Variants in FOXP1 observed in about 807,000 individuals in gnomAD.
The protein encoded by FOXP1 is forkhead box P1.
Under a neutral mutation model 98.2 loss-of-function variants are expected in FOXP1, and 15 were observed. That is an observed-to-expected ratio of 0.15 (90% CI 0.10 to 0.24). FOXP1 has a LOEUF of 0.24. Among genes scored for constraint, FOXP1 ranks in the 10% least tolerant of loss-of-function variants. The probability of loss-of-function intolerance (pLI) is 1.00; values close to 1 mark genes in which losing one functional copy is unlikely to be tolerated. For synonymous variants in FOXP1, 371 were observed against 314.5 expected (o/e 1.18, Z -1.90); for missense variants, 633 against 848.5 (o/e 0.75, Z 3.15).
intron 7 of FOXP1, among the ~76,000 whole-genome samples, chr3:71,068,586 ATC>A (rs2052839441): frequency 6.6e-6 from 1 of 152,240 alleles, no homozygotes; most frequent in African/African-American, 2.4e-5. Flanking sequence ...CAACTGTGTG[ATC>A]AGAGGCCAAA....
intron 3 of FOXP1, among the ~76,000 whole-genome samples, chr3:71,475,471 G>A (rs1052130411): frequency 6.6e-6 from 1 of 152,052 alleles, no homozygotes; most frequent in Admixed American, 6.6e-5. Flanking sequence ...AAATCAAAGG[G>A]GACCTAAGTA....
chr3:71,544,633 T>G (rs1039630978), intron 2 of FOXP1, among the ~76,000 whole-genome samples: 1 of 152,192 alleles, frequency 6.6e-6, no homozygotes, highest in African/African-American at 2.4e-5. Context: ...CCATTTTATA[T>G]GTGGGGTGGT....
At chr3:71,246,904 T>A (rs188676049) in intron 5 of FOXP1, among the ~76,000 whole-genome samples, 53 of 152,368 alleles carry the variant, frequency 3.5e-4, no homozygotes, top group Non-Finnish European at 6.3e-4. Context: ...AGCCATTTCA[T>A]CGAGCAATGT....
At chr3:71,194,760 T>C (rs952194744) in intron 6 of FOXP1, among the ~76,000 whole-genome samples, 10 of 152,246 alleles carry the variant, frequency 6.6e-5, no homozygotes, top group African/African-American at 1.4e-4. Context: ...TAAAAGAAAA[T>C]GTTCAGAAAC....
chr3:71,405,142 T>C (rs2082228640), intron 3 of FOXP1, among the ~76,000 whole-genome samples: 1 of 152,186 alleles, frequency 6.6e-6, no homozygotes, highest in Non-Finnish European at 1.5e-5. Flanking sequence ...CAAGGATGCA[T>C]GGCCCCAAAC....
At chr3:71,085,735 C>T (rs1169729736) in intron 7 of FOXP1, among the ~76,000 whole-genome samples, 5 of 37,034 alleles carry the variant, frequency 1.4e-4, no homozygotes, top group African/African-American at 2.0e-4. Context: ...CATTTATGGC[C>T]TTTTTTTTTT....
chr3:71,037,451 C>T (rs2047738733), intron 11 of FOXP1, among the ~76,000 whole-genome samples: 1 of 152,130 alleles, frequency 6.6e-6, no homozygotes, highest in Non-Finnish European at 1.5e-5. Flanking sequence ...AAGACAGTAT[C>T]TTCATATGTA....
At chr3:71,431,137 C>T (rs1016533079) in intron 3 of FOXP1, among the ~76,000 whole-genome samples, 7 of 152,042 alleles carry the variant, frequency 4.6e-5, no homozygotes, top group African/African-American at 1.7e-4. Flanking sequence ...GGAGGCAGGT[C>T]GATCTGCAAA....
At chr3:71,052,273 A>T (rs1264403820) in intron 9 of FOXP1, among the ~76,000 whole-genome samples, 1 of 152,176 alleles carries the variant, frequency 6.6e-6, no homozygotes, top group Non-Finnish European at 1.5e-5. Context: ...GGTTGCAAAA[A>T]GTAACCTGAA....
chr3:70,966,258 TG>T, intron 19 of FOXP1: 1 of 610,380 alleles, frequency 1.6e-6, no homozygotes, highest in Non-Finnish European at 3.0e-6. Flanking sequence ...AAGAGCTAAC[TG>T]GGGGCCAGGG....
intron 11 of FOXP1, among the ~76,000 whole-genome samples, chr3:71,030,178 A>G (rs1431580772): frequency 6.6e-6 from 1 of 152,208 alleles, no homozygotes; most frequent in Non-Finnish European, 1.5e-5. Flanking sequence ...AATTCAGCAG[A>G]TTTTATTAAA....
intron 6 of FOXP1, among the ~76,000 whole-genome samples, chr3:71,163,710 C>T (rs2061258800): frequency 6.6e-6 from 1 of 152,064 alleles, no homozygotes; most frequent in African/African-American, 2.4e-5. Context: ...GTTCATCATT[C>T]CTATGTGTAA....
intron 3 of FOXP1, among the ~76,000 whole-genome samples, chr3:71,465,044 A>G (rs182819994): frequency 2.6e-5 from 4 of 152,272 alleles, no homozygotes; most frequent in Admixed American, 2.6e-4. Context: ...ACAGTGGCTT[A>G]AGCCTGTAAT....
intron 10 of FOXP1, among the ~76,000 whole-genome samples, chr3:71,046,658 C>T (rs1163934294): frequency 6.6e-6 from 1 of 152,184 alleles, no homozygotes; most frequent in Non-Finnish European, 1.5e-5. Flanking sequence ...CATTAAAATG[C>T]TCAGTAAGTG....
intron 2 of FOXP1, among the ~76,000 whole-genome samples, chr3:71,508,222 G>A (rs966019773): frequency 1.8e-4 from 27 of 152,282 alleles, no homozygotes; most frequent in Non-Finnish European, 5.9e-5. Context: ...TTTTTAGGGG[G>A]TGGCACTACA....
intron 3 of FOXP1, among the ~76,000 whole-genome samples, chr3:71,443,964 G>A (rs2086180602): frequency 6.6e-6 from 1 of 152,118 alleles, no homozygotes; most frequent in African/African-American, 2.4e-5. Flanking sequence ...TGGACCAGCA[G>A]CTTGGCACTC....
chr3:71,421,520 A>G (rs1157891939), intron 3 of FOXP1, among the ~76,000 whole-genome samples: 2 of 152,190 alleles, frequency 1.3e-5, no homozygotes, highest in Non-Finnish European at 2.9e-5. Context: ...TTTTCAAAGA[A>G]GCATAAATTG....
intron 3 of FOXP1, among the ~76,000 whole-genome samples, chr3:71,370,895 G>A (rs1023444991): frequency 1.3e-4 from 19 of 148,214 alleles, no homozygotes; most frequent in African/African-American, 2.2e-4. Context: ...TCCACCTCCC[G>A]GGTTCAAGCA....
chr3:71,345,817 G>C (rs1345089683), intron 4 of FOXP1, among the ~76,000 whole-genome samples: 1 of 140,100 alleles, frequency 7.1e-6, no homozygotes, highest in Non-Finnish European at 1.5e-5. Context: ...ATGAACAGCA[G>C]GTGCGGGCAG....
Sources: gnomAD v4.1 joint callset for allele counts (sites outside exome capture counted in the v4.1 genomes callset) on GRCh38, gnomAD v4.1.1 for gene constraint, MANE v1.5 for transcripts, NCBI Gene and HGNC (gene_info 2026-07-23, HGNC 2026-07-21) for gene names.